Variants in ARHGEF26 observed in about 807,000 individuals in gnomAD.
ARHGEF26 encodes Rho guanine nucleotide exchange factor 26.
A neutral mutation model predicts 89.4 loss-of-function variants in ARHGEF26; 59 were observed. The observed-to-expected ratio is 0.66, with a 90% CI of 0.54 to 0.82. ARHGEF26 has a LOEUF of 0.82. Ranked by LOEUF, ARHGEF26 falls within the 40% of genes least tolerant of loss-of-function variation. The pLI is 0.00. For missense variants in ARHGEF26, 1,234 were observed against 1,085.6 expected (o/e 1.14, Z -1.92); for synonymous variants, 500 against 428.4 (o/e 1.17, Z -2.06).
intron 4 of ARHGEF26, among the ~76,000 whole-genome samples, chr3:154,143,785 C>A (rs1719527663): frequency 6.6e-6 from 1 of 152,146 alleles, no homozygotes; most frequent in South Asian, 2.1e-4. Context: ...TATAGAATTG[C>A]CCTTTACCCT....
chr3:154,206,382 A>G (rs1331903729), intron 9 of ARHGEF26, among the ~76,000 whole-genome samples: 1 of 152,172 alleles, frequency 6.6e-6, no homozygotes, highest in East Asian at 1.9e-4. Context: ...GGGCTCCAAA[A>G]GCTTCTTAAG....
intron 7 of ARHGEF26, among the ~76,000 whole-genome samples, chr3:154,190,087 A>G (rs1410686270): frequency 6.6e-6 from 1 of 152,154 alleles, no homozygotes; most frequent in Non-Finnish European, 1.5e-5. Flanking sequence ...ATGGGAGTAC[A>G]ATATCCATCT....
At chr3:154,176,926 A>G (rs1434189148) in intron 6 of ARHGEF26, among the ~76,000 whole-genome samples, 2 of 152,304 alleles carry the variant, frequency 1.3e-5, no homozygotes, top group East Asian at 3.9e-4. Context: ...TTATAGGCAT[A>G]CACCTCTGTG....
At chr3:154,126,761 G>GACTTT (rs1201411798) in intron 3 of ARHGEF26, among the ~76,000 whole-genome samples, 1 of 151,986 alleles carries the variant, frequency 6.6e-6, no homozygotes, top group Non-Finnish European at 1.5e-5. Flanking sequence ...TTGCCACGTT[G>GACTTT]ACTTTCCCTA....
chr3:154,248,255 G>C (rs9836210), intron 12 of ARHGEF26, among the ~76,000 whole-genome samples: 42,546 of 152,068 alleles, frequency 0.28, 6,917 homozygotes, highest in South Asian at 0.41. Flanking sequence ...GAAGCATAAT[G>C]AATGTGGTTG....
At chr3:154,196,274 G>A (rs1341882314) in intron 9 of ARHGEF26, among the ~76,000 whole-genome samples, 1 of 152,136 alleles carries the variant, frequency 6.6e-6, no homozygotes, top group Non-Finnish European at 1.5e-5. Flanking sequence ...TTTGTTTAAA[G>A]ATTAGAAAAA....
chr3:154,173,531 A>G (rs933469375), intron 6 of ARHGEF26, among the ~76,000 whole-genome samples: 1 of 152,220 alleles, frequency 6.6e-6, no homozygotes, highest in Non-Finnish European at 1.5e-5. Context: ...ACATTTTACA[A>G]CCATACATTT....
At chr3:154,210,270 G>T (rs1295512026) in intron 9 of ARHGEF26, among the ~76,000 whole-genome samples, 11 of 152,102 alleles carry the variant, frequency 7.2e-5, no homozygotes, top group African/African-American at 2.7e-4. Context: ...CTGAATCCAG[G>T]AAGTCTCAGA....
At chr3:154,193,523 G>A (rs1464499267) in intron 8 of ARHGEF26, among the ~76,000 whole-genome samples, 1 of 147,384 alleles carries the variant, frequency 6.8e-6, no homozygotes, top group Non-Finnish European at 1.5e-5. Flanking sequence ...TCTGCCTGAT[G>A]CCTGTTGCTC....
chr3:154,187,712 T>C lies in ARHGEF26; in HGVS notation c.1515T>C (p.His505=). 1 of 1,609,464 alleles carries C rather than the reference T, an allele frequency of 6.2e-7. No individual in the cohort carries two copies. Among genetic ancestry groups the C allele is most frequent in the South Asian group, 1.1e-5 (1 of 90,082 alleles). ...KKFFIELEAR[H]QNNIFIDDIS... ...TCTTTATAGAGTTGGAAGCAAGACA[T>C]CAGAATAATATCTTCATAGATGACA... The change falls in exon 7 of 15, where the codon CAT becomes CAC. Residue 505 remains histidine (H), a synonymous_variant. Coordinates refer to ENST00000465093, the MANE Select transcript of ARHGEF26 (RefSeq NM_015595.4).
intron 9 of ARHGEF26, among the ~76,000 whole-genome samples, chr3:154,214,448 G>A (rs1428464113): frequency 6.6e-6 from 1 of 152,102 alleles, no homozygotes. Flanking sequence ...GATTGTATGT[G>A]GAGGGCAAAG....
chr3:154,256,079 G>T lies in ARHGEF26; in HGVS notation c.*606G>T. ...TTGTCACCTTTTTCCTCATTAGAAGGAAAGTAGAAAGCCTTACTTTAGGAT... is the reference window on the plus strand; with the variant it reads ...TTGTCACCTTTTTCCTCATTAGAAGTAAAGTAGAAAGCCTTACTTTAGGAT... On this transcript the variant is annotated 3_prime_UTR_variant, in exon 15 of 15. Transcript: ENST00000465093. 1 of 985,356 alleles carries T rather than the reference G, an allele frequency of 1.0e-6. No homozygotes were observed. The highest frequency in any genetic ancestry group is 1.2e-6 in the Non-Finnish European group (1 of 829,622). The allele number at this position is 985,356 out of a possible 1,614,324, so 61.0% of individuals were successfully genotyped here. A position where few individuals can be genotyped will look rare whatever the true frequency, so the allele number is the denominator to read the frequency against.
At position 154,121,961 on chromosome 3, in the gene ARHGEF26, G is replaced by T; in HGVS notation, c.-32G>T. The T allele has an allele frequency of 6.4e-7, 1 of 1,560,332 alleles. No homozygotes were observed. The highest frequency in any genetic ancestry group is 8.7e-7 in the Non-Finnish European group (1 of 1,148,622). On this transcript the variant is annotated 5_prime_UTR_variant, in exon 2 of 15. Transcript: ENST00000465093. ...CTTTAGGCAAGACTAACTCGGTGTT[G>T]CTCCTCCCGGCGCTGACTTCGAGGC...
At chr3:154,184,216 C>A (rs536766586) in intron 6 of ARHGEF26, among the ~76,000 whole-genome samples, 122 of 152,292 alleles carry the variant, frequency 8.0e-4, no homozygotes, top group Non-Finnish European at 1.3e-3. Flanking sequence ...TTGTGATCCA[C>A]CTACCTCGGC....
In ARHGEF26 at chr3:154,140,948, C is replaced by A. The variant is rs572688966; in HGVS notation, c.1270-8441C>A. Among the ~76,000 whole-genome samples, 134 of 145,168 alleles carry A rather than the reference C, an allele frequency of 9.2e-4. 2 individuals are homozygous for A. The South Asian group carries it at 0.017, about 18-fold the overall frequency. ...TAACAGCCCTGTCCTTCCCTCAAGT[C>A]ACTCTTTCAGCTTCCATCCTATTTT... On this transcript the variant is annotated intron_variant, in intron 4 of 14. Coordinates refer to ENST00000465093, the MANE Select transcript of ARHGEF26 (RefSeq NM_015595.4).
rs201150057 is a variant in ARHGEF26, at chr3:154,186,886, C to CTTTTTTTTTTTTTTTTTTTT, written c.1488-790_1488-771dup. The stretch of plus-strand genomic sequence containing the variant: ...CATATACTGTTAGATTTATTTCAGA[C>CTTTTTTTTTTTTTTTTTTTT]TTTTTTTTTTTTTTTTTTTTTTTTT... On this transcript the variant is annotated intron_variant, in intron 6 of 14. Transcript: ENST00000465093. Among the ~76,000 whole-genome samples the CTTTTTTTTTTTTTTTTTTTT allele has an allele frequency of 8.5e-5, 7 of 82,080 alleles. 1 individual carries two copies. Among genetic ancestry groups the CTTTTTTTTTTTTTTTTTTTT allele is most frequent in the African/African-American group, 2.8e-4 (6 of 21,168 alleles). The allele number at this position is 82,080 out of a possible 152,430, so 53.8% of individuals were successfully genotyped here. A position where few individuals can be genotyped will look rare whatever the true frequency, so the allele number is the denominator to read the frequency against.
intron 4 of ARHGEF26, among the ~76,000 whole-genome samples, chr3:154,133,931 A>G (rs1718839313): frequency 1.3e-5 from 2 of 152,036 alleles, no homozygotes; most frequent in Admixed American, 6.6e-5. Context: ...CTATATTCCT[A>G]GGTATCTTAT....
At chr3:154,208,550 C>A (rs1715171150) in intron 9 of ARHGEF26, among the ~76,000 whole-genome samples, 1 of 151,980 alleles carries the variant, frequency 6.6e-6, no homozygotes, top group Non-Finnish European at 1.5e-5. Context: ...CTTTCTCTAC[C>A]TCTTCTTTAA....
intron 4 of ARHGEF26, among the ~76,000 whole-genome samples, chr3:154,140,287 G>A (rs934772025): frequency 6.6e-6 from 1 of 152,188 alleles, no homozygotes; most frequent in East Asian, 1.9e-4. Flanking sequence ...ACAATGCCAC[G>A]AGGGTAAGTA....
Sources: gnomAD v4.1 joint callset for allele counts (sites outside exome capture counted in the v4.1 genomes callset) on GRCh38, gnomAD v4.1.1 for gene constraint, MANE v1.5 for transcripts, NCBI Gene and HGNC (gene_info 2026-07-23, HGNC 2026-07-21) for gene names.